Variants in TBC1D5 observed in about 807,000 individuals in gnomAD.
The protein encoded by TBC1D5 is TBC1 domain family member 5.
In TBC1D5, 75 loss-of-function variants were observed where a neutral mutation model predicts 100.3. The observed-to-expected ratio is 0.75, with a 90% CI of 0.62 to 0.91. The LOEUF (loss-of-function observed/expected upper bound fraction) is 0.91. TBC1D5 is among the 40% of genes least tolerant of loss of function. The probability of loss-of-function intolerance (pLI) is 0.00; values close to 1 mark genes in which losing one functional copy is unlikely to be tolerated. For missense variants in TBC1D5, 910 were observed against 942.4 expected (o/e 0.97, Z 0.45); for synonymous variants, 323 against 325.6 (o/e 0.99, Z 0.09).
intron 21 of TBC1D5, among the ~76,000 whole-genome samples, chr3:17,165,028 C>T (rs1032575720): frequency 2.0e-5 from 3 of 152,090 alleles, no homozygotes; most frequent in Admixed American, 2.0e-4. Context: ...GGTCTTCAGC[C>T]CCAGGAAGGG....
At chr3:17,248,615 A>G (rs891494513) in intron 16 of TBC1D5, among the ~76,000 whole-genome samples, 20 of 152,266 alleles carry the variant, frequency 1.3e-4, no homozygotes, top group African/African-American at 4.6e-4. Flanking sequence ...AACAACATTA[A>G]TCTCCTTGAT....
intron 1 of TBC1D5, among the ~76,000 whole-genome samples, chr3:17,649,871 T>C (rs936808802): frequency 7.9e-5 from 12 of 152,114 alleles, no homozygotes; most frequent in Non-Finnish European, 1.3e-4. Flanking sequence ...CTATTCACAA[T>C]AGCAAAGACT....
intron 2 of TBC1D5, among the ~76,000 whole-genome samples, chr3:17,604,365 A>C (rs982235676): frequency 6.6e-6 from 1 of 152,348 alleles, no homozygotes; most frequent in South Asian, 2.1e-4. Context: ...CATTCAGTTT[A>C]AACCAGTCCT....
intron 1 of TBC1D5, among the ~76,000 whole-genome samples, chr3:17,679,214 T>C (rs1416006907): frequency 2.0e-5 from 3 of 151,240 alleles, no homozygotes; most frequent in Admixed American, 6.6e-5. Flanking sequence ...TGTCAAGGCA[T>C]ACATACATGA....
chr3:17,191,662 G>A (rs905728395), intron 18 of TBC1D5, among the ~76,000 whole-genome samples: 8 of 152,058 alleles, frequency 5.3e-5, no homozygotes, highest in Admixed American at 3.3e-4. Flanking sequence ...TGTTGCCCAG[G>A]CTGGAGTGCA....
At chr3:17,457,153 ATGT>A (rs2095106885) in intron 3 of TBC1D5, among the ~76,000 whole-genome samples, 1 of 152,040 alleles carries the variant, frequency 6.6e-6, no homozygotes, top group Non-Finnish European at 1.5e-5. Context: ...ATGATATACA[ATGT>A]TGTTGGTTTT....
chr3:17,357,462 C>T (rs2091317552), intron 13 of TBC1D5, among the ~76,000 whole-genome samples: 2 of 152,186 alleles, frequency 1.3e-5, no homozygotes, highest in African/African-American at 4.8e-5. Context: ...GGATTTGGCA[C>T]TGTTGTCATA....
intron 2 of TBC1D5, among the ~76,000 whole-genome samples, chr3:17,541,239 C>G (rs2096353647): frequency 6.6e-6 from 1 of 151,206 alleles, no homozygotes; most frequent in Non-Finnish European, 1.5e-5. Context: ...CAGGGATGCA[C>G]CAAATCTGTA....
chr3:17,473,656 G>A (rs999612449), intron 3 of TBC1D5, among the ~76,000 whole-genome samples: 1 of 152,076 alleles, frequency 6.6e-6, no homozygotes, highest in Non-Finnish European at 1.5e-5. Flanking sequence ...CGCAGGTTCT[G>A]GCCACAAGTC....
chr3:17,738,370 C>T (rs1298602945), intron 1 of TBC1D5, among the ~76,000 whole-genome samples: 1 of 152,016 alleles, frequency 6.6e-6, no homozygotes, highest in African/African-American at 2.4e-5. Context: ...GCTTTAAACA[C>T]ACACTCACAC....
intron 2 of TBC1D5, among the ~76,000 whole-genome samples, chr3:17,527,958 T>C (rs1275325774): frequency 6.6e-6 from 1 of 152,198 alleles, no homozygotes; most frequent in Non-Finnish European, 1.5e-5. Context: ...CATATATTCA[T>C]TGTTATGTTC....
intron 21 of TBC1D5, among the ~76,000 whole-genome samples, chr3:17,165,710 A>G (rs2066522858): frequency 6.6e-6 from 1 of 152,242 alleles, no homozygotes; most frequent in Admixed American, 6.5e-5. Flanking sequence ...AGTGACTTAG[A>G]TAATATTTTG....
At chr3:17,317,142 G>A (rs960485876) in intron 13 of TBC1D5, among the ~76,000 whole-genome samples, 1 of 152,110 alleles carries the variant, frequency 6.6e-6, no homozygotes, top group Admixed American at 6.5e-5. Flanking sequence ...GGCAACATTA[G>A]CAACATATAA....
At chr3:17,389,697 G>C (rs965661192) in intron 8 of TBC1D5, among the ~76,000 whole-genome samples, 2 of 152,126 alleles carry the variant, frequency 1.3e-5, no homozygotes, top group African/African-American at 4.8e-5. Context: ...CCATCCTACT[G>C]AGCCCTGCTC....
intron 1 of TBC1D5, among the ~76,000 whole-genome samples, chr3:17,688,438 T>G (rs1446758282): frequency 6.6e-6 from 1 of 152,232 alleles, no homozygotes; most frequent in Admixed American, 6.5e-5. Context: ...TTGATTATTT[T>G]TCATAAAAAT....
intron 2 of TBC1D5, among the ~76,000 whole-genome samples, chr3:17,532,805 G>A (rs549225997): frequency 1.4e-4 from 20 of 148,110 alleles, no homozygotes; most frequent in African/African-American, 4.7e-4. Context: ...ATGGACACAG[G>A]AAGGAGAACA....
chr3:17,256,125 CATTTTT>C lies in TBC1D5; in HGVS notation c.1331+2375_1331+2380del, dbSNP rs2077644989. Among the ~76,000 whole-genome samples, 4 of 152,178 alleles carry C rather than the reference CATTTTT, an allele frequency of 2.6e-5. No homozygotes were observed. The South Asian group carries it at 8.3e-4, about 32-fold the overall frequency. ...AGATTATTGGTCAGATAGGCACTTG[CATTTTT>C]ATTTTTATGTTTGCTTGTTTCAGTG... On this transcript the variant is annotated intron_variant, in intron 16 of 21. Transcript: ENST00000253692.
At chr3:17,534,001 T>C (rs997597430) in intron 2 of TBC1D5, among the ~76,000 whole-genome samples, 5 of 152,134 alleles carry the variant, frequency 3.3e-5, no homozygotes, top group Non-Finnish European at 7.4e-5. Flanking sequence ...CAGCACTGTA[T>C]TTTCTGAAAC....
chr3:17,486,968 G>A (rs1043026423), intron 3 of TBC1D5, among the ~76,000 whole-genome samples: 4 of 152,132 alleles, frequency 2.6e-5, no homozygotes, highest in Admixed American at 1.3e-4. Flanking sequence ...ATTAGAAAAC[G>A]GCATATCCTA....
Sources: gnomAD v4.1 joint callset for allele counts (sites outside exome capture counted in the v4.1 genomes callset) on GRCh38, gnomAD v4.1.1 for gene constraint, MANE v1.5 for transcripts, NCBI Gene and HGNC (gene_info 2026-07-23, HGNC 2026-07-21) for gene names.